The following STK32A variants were observed in gnomAD, a reference collection of about 807,000 sequenced individuals.
STK32A encodes serine/threonine-protein kinase 32A.
In STK32A, 41 loss-of-function variants were observed where a neutral mutation model predicts 53.2. The observed-to-expected ratio is 0.77, with a 90% confidence interval of 0.60 to 1.00. STK32A has a LOEUF of 1.00. Ranked by LOEUF, STK32A falls within the 50% of genes least tolerant of loss-of-function variation. STK32A has a pLI of 0.00. For synonymous variants in STK32A, 166 were observed against 162.8 expected, an observed-to-expected ratio of 1.02 and a Z score of -0.15; for missense variants, 458 against 485.8, an observed-to-expected ratio of 0.94 and a Z score of 0.54.
At chr5:147,250,155 T>A (rs1382965425) in intron 2 of STK32A, among the ~76,000 whole-genome samples, 1 of 152,054 alleles carries the variant, frequency 6.6e-6, no homozygotes, top group Non-Finnish European at 1.5e-5. Context: ...TTTACTAAGA[T>A]GGAGATGCGT....
intron 2 of STK32A, among the ~76,000 whole-genome samples, chr5:147,275,905 G>T (rs919496502): frequency 5.9e-5 from 9 of 152,152 alleles, no homozygotes; most frequent in Admixed American, 3.3e-4. Context: ...GTATATGAAA[G>T]GAGGTGGTTC....
intron 5 of STK32A, among the ~76,000 whole-genome samples, chr5:147,329,834 A>G (rs992410129): frequency 1.3e-5 from 2 of 152,256 alleles, no homozygotes; most frequent in Admixed American, 6.5e-5. Context: ...GATCTAAACT[A>G]GAGTGCTTGC....
chr5:147,380,331 A>G (rs1326996754), intron 11 of STK32A, among the ~76,000 whole-genome samples: 1 of 152,178 alleles, frequency 6.6e-6, no homozygotes, highest in Non-Finnish European at 1.5e-5. Context: ...AGTGAAATAC[A>G]GCAGAACTGT....
intron 4 of STK32A, among the ~76,000 whole-genome samples, chr5:147,323,087 C>A (rs1458101550): frequency 6.6e-6 from 1 of 152,128 alleles, no homozygotes; most frequent in South Asian, 2.1e-4. Context: ...TACTTTGGCA[C>A]CTGGAGAACG....
chr5:147,398,782 G>A, the STK32A span, among the ~76,000 whole-genome samples: 1 of 152,172 alleles, frequency 6.6e-6, no homozygotes, highest in Non-Finnish European at 1.5e-5. Flanking sequence ...GAAGCTTTCA[G>A]AGCCAGTAGA....
chr5:147,292,791 G>T (rs935165653), intron 4 of STK32A, among the ~76,000 whole-genome samples: 2 of 152,124 alleles, frequency 1.3e-5, no homozygotes, highest in African/African-American at 4.8e-5. Flanking sequence ...AACCTGGGAG[G>T]TGGAGGTTGT....
At chr5:147,296,662 T>G (rs898068406) in intron 4 of STK32A, among the ~76,000 whole-genome samples, 2 of 152,168 alleles carry the variant, frequency 1.3e-5, no homozygotes, top group African/African-American at 4.8e-5. Context: ...ATCATCAGTT[T>G]CAGGGTTTTT....
chr5:147,319,773 C>T (rs1010409796), intron 4 of STK32A, among the ~76,000 whole-genome samples: 1 of 152,190 alleles, frequency 6.6e-6, no homozygotes, highest in Non-Finnish European at 1.5e-5. Flanking sequence ...CTGCTGTGAG[C>T]ACTCCCTGTT....
chr5:147,322,716 T>C (rs185888370), intron 4 of STK32A, among the ~76,000 whole-genome samples: 179 of 152,364 alleles, frequency 1.2e-3, no homozygotes, highest in African/African-American at 3.9e-3. Flanking sequence ...GGCTGTGCTT[T>C]GAGGGAAACA....
chr5:147,262,301 T>A (rs953253061), intron 2 of STK32A, among the ~76,000 whole-genome samples: 7 of 152,154 alleles, frequency 4.6e-5, no homozygotes, highest in Non-Finnish European at 2.9e-5. Flanking sequence ...AAGATAATCC[T>A]GAGATTTAAA....
intron 5 of STK32A, among the ~76,000 whole-genome samples, chr5:147,336,844 C>T (rs1304551852): frequency 2.6e-5 from 4 of 152,176 alleles, no homozygotes; most frequent in Non-Finnish European, 5.9e-5. Flanking sequence ...TTTTTCCCCT[C>T]TCCAGAACTT....
intron 11 of STK32A, among the ~76,000 whole-genome samples, chr5:147,376,769 C>T (rs1433242533): frequency 6.6e-6 from 1 of 152,166 alleles, no homozygotes; most frequent in African/African-American, 2.4e-5. Context: ...ACATAGGGGG[C>T]TTCCTCTCAT....
chr5:147,390,361 G>C (rs532330741), downstream of STK32A, among the ~76,000 whole-genome samples: 5 of 151,676 alleles, frequency 3.3e-5, no homozygotes, highest in East Asian at 3.9e-4. Flanking sequence ...GGATCCATTT[G>C]ATAAAGAATA....
At position 147,375,087 on chromosome 5, in the gene STK32A, C is replaced by T. The variant is rs868710317; in HGVS notation, c.904-3C>T. Reference sequence around the variant, plus strand: ...AGGATTGAGCCAACTGTCTTCCTTGCAGAAAGGCAGGCTGAATTGTGATCC... The same window carrying T: ...AGGATTGAGCCAACTGTCTTCCTTGTAGAAAGGCAGGCTGAATTGTGATCC... On this transcript the variant is annotated splice_polypyrimidine_tract_variant and splice_region_variant and intron_variant, in intron 10 of 12. Transcript: ENST00000397936. 12 of 1,598,856 alleles carry T rather than the reference C, an allele frequency of 7.5e-6. No homozygotes were observed. In the Middle Eastern group the frequency reaches 1.5e-3, roughly 200 times the overall value.
At chr5:147,239,787 C>T in intron 2 of STK32A, 101 bp downstream of exon 2, 1 of 907,830 alleles carries the variant, frequency 1.1e-6, no homozygotes. Flanking sequence ...GTCTGTAGGG[C>T]CTTGAAGGAA....
At chr5:147,280,677 G>GC (rs1752023414) in intron 4 of STK32A, among the ~76,000 whole-genome samples, 1 of 151,204 alleles carries the variant, frequency 6.6e-6, no homozygotes, top group Non-Finnish European at 1.5e-5. Flanking sequence ...ACCTAGCCCT[G>GC]CCCCCACCTG....
At chr5:147,348,452 A>AG (rs1040233025) in intron 6 of STK32A, among the ~76,000 whole-genome samples, 5 of 152,142 alleles carry the variant, frequency 3.3e-5, no homozygotes, top group African/African-American at 9.7e-5. Context: ...AATAGAGTTG[A>AG]GGGGGGACGG....
At chr5:147,388,107 G>C (rs1374205689), downstream of STK32A, among the ~76,000 whole-genome samples, 1 of 152,154 alleles carries the variant, frequency 6.6e-6, no homozygotes, top group Non-Finnish European at 1.5e-5. Context: ...GCATTTCAGG[G>C]AACACAGCCC....
chr5:147,387,997 A>G (rs1210036972), downstream of STK32A: 5 of 152,176 alleles, frequency 3.3e-5, no homozygotes, highest in African/African-American at 1.2e-4. Context: ...ACCAGAAATA[A>G]TATTCTGTGA....
Sources: allele counts gnomAD v4.1 joint callset (sites outside exome capture counted in the v4.1 genomes callset), GRCh38; gene constraint gnomAD v4.1.1; transcripts MANE v1.5; gene names NCBI Gene and HGNC (gene_info 2026-07-23, HGNC 2026-07-21).